IYD: variants seen among roughly 807,000 people sequenced by gnomAD.
IYD encodes iodotyrosine deiodinase, also known as iodotyrosine deiodinase 1.
In IYD, 25 loss-of-function variants were observed where a neutral mutation model predicts 28.4. The ratio of observed to expected loss-of-function variants is 0.88; its 90% CI spans 0.64 to 1.23. The LOEUF is 1.23. IYD is among the 50% of genes most tolerant of loss of function. The probability of loss-of-function intolerance (pLI) is 0.00; values close to 1 mark genes in which losing one functional copy is unlikely to be tolerated. For missense variants in IYD, 352 were observed against 357.9 expected, an observed-to-expected ratio of 0.98 and a Z score of 0.13; for synonymous variants, 140 against 130.8, an observed-to-expected ratio of 1.07 and a Z score of -0.48.
intron 4 of IYD, among the ~76,000 whole-genome samples, chr6:150,397,304 C>A (rs1778357683): frequency 6.6e-6 from 1 of 152,172 alleles, no homozygotes; most frequent in African/African-American, 2.4e-5. Flanking sequence ...TATGGTGGCT[C>A]ACACTTGTAA....
chr6:150,371,818 A>T (rs1247281681), intron 1 of IYD, among the ~76,000 whole-genome samples: 1 of 152,150 alleles, frequency 6.6e-6, no homozygotes, highest in Non-Finnish European at 1.5e-5. Flanking sequence ...TGTCATGAAG[A>T]TGAAATGATT....
intron 1 of IYD, among the ~76,000 whole-genome samples, chr6:150,386,387 G>A (rs1023053317): frequency 3.4e-5 from 5 of 148,806 alleles, no homozygotes; most frequent in African/African-American, 9.9e-5. Context: ...TTATCTTTTT[G>A]TTACTAGTTT....
intron 1 of IYD, among the ~76,000 whole-genome samples, chr6:150,377,076 G>A (rs1777470531): frequency 6.6e-6 from 1 of 152,204 alleles, no homozygotes; most frequent in African/African-American, 2.4e-5. Context: ...ACCAGGTCAA[G>A]TGCCAAGTGT....
intron 1 of IYD, among the ~76,000 whole-genome samples, chr6:150,374,877 G>A (rs9480324): frequency 0.89 from 135,314 of 152,094 alleles, 60,546 homozygotes; most frequent in East Asian, 0.98. Context: ...GGAGGGTCAG[G>A]AAATTCTTCC....
At chr6:150,397,859 G>A (rs1273546640) in intron 4 of IYD, among the ~76,000 whole-genome samples, 196 bp from the exon 5 acceptor site, 2 of 151,562 alleles carry the variant, frequency 1.3e-5, no homozygotes, top group African/African-American at 4.9e-5. Flanking sequence ...GTTAAAAGAA[G>A]GGAGGGGGTG....
intron 1 of IYD, among the ~76,000 whole-genome samples, chr6:150,372,426 A>G (rs1213838977): frequency 4.4e-5 from 3 of 67,766 alleles, no homozygotes; most frequent in Non-Finnish European, 6.3e-5. Context: ...GTCCATGCTT[A>G]TTAGACATGT....
chr6:150,385,026 A>C (rs1392600575), intron 1 of IYD: 1 of 152,136 alleles, frequency 6.6e-6, no homozygotes, highest in African/African-American at 2.4e-5. Flanking sequence ...TAAGATCTTC[A>C]ACTACTGATA....
intron 3 of IYD, 122 bp downstream of exon 3, chr6:150,392,626 G>A (rs1364725546): frequency 9.6e-7 from 1 of 1,042,910 alleles, no homozygotes; most frequent in Non-Finnish European, 1.5e-6. Context: ...GCCTCTTGGA[G>A]GAATTACGGA....
intron 2 of IYD, among the ~76,000 whole-genome samples, chr6:150,390,497 G>A (rs1287972103): frequency 1.3e-5 from 2 of 152,144 alleles, no homozygotes; most frequent in Non-Finnish European, 2.9e-5. Flanking sequence ...ATCACTCTGT[G>A]CAGAAATTTG....
At chr6:150,389,654 T>A (rs2115048217) in intron 2 of IYD, 111 bp downstream of exon 2, 1 of 986,444 alleles carries the variant, frequency 1.0e-6, no homozygotes, top group East Asian at 2.4e-5. Flanking sequence ...TAGAGTGATA[T>A]GTTTATCTAT....
At chr6:150,391,130 G>A (rs1427266996) in intron 2 of IYD, among the ~76,000 whole-genome samples, 1 of 151,816 alleles carries the variant, frequency 6.6e-6, no homozygotes, top group Non-Finnish European at 1.5e-5. Flanking sequence ...CCAGCTACTC[G>A]GGAGGCTGAG....
At chr6:150,395,694 G>C (rs1330746467) in intron 4 of IYD, 4 of 794,518 alleles carry the variant, frequency 5.0e-6, no homozygotes, top group South Asian at 4.3e-5. Context: ...CATGAAGCCC[G>C]CATCTCCAGT....
At chr6:150,371,593 T>C (rs1047677990) in intron 1 of IYD, among the ~76,000 whole-genome samples, 1 of 152,204 alleles carries the variant, frequency 6.6e-6, no homozygotes, top group Non-Finnish European at 1.5e-5. Context: ...CTGGAGGGCC[T>C]TTCTCTGGCT....
At chr6:150,374,518 G>C (rs768168553) in intron 1 of IYD, among the ~76,000 whole-genome samples, 4 of 152,178 alleles carry the variant, frequency 2.6e-5, no homozygotes, top group Non-Finnish European at 5.9e-5. Flanking sequence ...AAGGTGAAAG[G>C]CATAGCCTAC....
Position 150,404,652 on chromosome 6 carries a change from C to A in IYD, c.*6415C>A, listed in dbSNP as rs1332061197. 1.3e-5 allele frequency: 2 copies of A among 152,152 alleles called. No individual in the cohort carries two copies. The highest frequency in any genetic ancestry group is 2.9e-5 in the Non-Finnish European group (2 of 68,024). The allele number at this position is 152,152 out of a possible 1,614,324, so 9.4% of individuals were successfully genotyped here. ...AGACTGATGCTTTAAGGGAGTTTGG[C>A]TTATTCAACTTGAGTTAATCAAACA... On this transcript the variant is annotated 3_prime_UTR_variant, in exon 5 of 5. Coordinates refer to ENST00000344419, the MANE Select transcript of IYD (RefSeq NM_203395.3).
chr6:150,393,650 T>A (rs1778204011), intron 3 of IYD, among the ~76,000 whole-genome samples: 1 of 152,222 alleles, frequency 6.6e-6, no homozygotes, highest in African/African-American at 2.4e-5. Context: ...AAAGATATTC[T>A]GAGCTGGAAA....
At chr6:150,388,638 T>G (rs111252336) in intron 1 of IYD, among the ~76,000 whole-genome samples, 226 of 50,194 alleles carry the variant, frequency 4.5e-3, no homozygotes, top group African/African-American at 0.01. Flanking sequence ...TTGCTTTCTT[T>G]CTTTCTTTCT....
chr6:150,377,329 C>T (rs1339109), intron 1 of IYD, among the ~76,000 whole-genome samples: 5 of 152,072 alleles, frequency 3.3e-5, no homozygotes, highest in African/African-American at 1.2e-4. Context: ...TTGCCTCTGG[C>T]TGAGGGCCAC....
chr6:150,396,764 C>T (rs1778334152), intron 4 of IYD: 3 of 206,258 alleles, frequency 1.5e-5, no homozygotes, highest in Non-Finnish European at 2.9e-5. Flanking sequence ...GTCCCAGCTA[C>T]TCGGGAGGCT....
Sources: gnomAD v4.1 joint callset for allele counts (sites outside exome capture counted in the v4.1 genomes callset) on GRCh38, gnomAD v4.1.1 for gene constraint, MANE v1.5 for transcripts, NCBI Gene and HGNC (gene_info 2026-07-23, HGNC 2026-07-21) for gene names.